Variants in TMEM120B observed in about 807,000 individuals in gnomAD.
TMEM120B encodes transmembrane protein 120B.
TMEM120B carries 31 observed loss-of-function variants against 55.5 expected under a neutral mutation model. The ratio of observed to expected loss-of-function variants is 0.56; its 90% CI spans 0.42 to 0.75. The LOEUF (loss-of-function observed/expected upper bound fraction) is 0.75. Ranked by LOEUF, TMEM120B falls within the 30% of genes least tolerant of loss-of-function variation. TMEM120B has a pLI of 0.00. For synonymous variants in TMEM120B, 203 were observed against 176.3 expected (o/e 1.15, Z -1.20); for missense variants, 399 against 425.5 (o/e 0.94, Z 0.55).
chr12:121,738,206 C>G (rs779967581), intron 1 of TMEM120B, among the ~76,000 whole-genome samples: 1 of 151,972 alleles, frequency 6.6e-6, no homozygotes, highest in African/African-American at 2.4e-5. Flanking sequence ...TTGCAGTGAG[C>G]CGAGATTGCG....
Position 121,775,106 on chromosome 12 carries a change from C to T in TMEM120B, c.882C>T (p.Ser294=). 1 of 1,611,040 alleles carries T rather than the reference C, an allele frequency of 6.2e-7. No individual in the cohort carries two copies. Among genetic ancestry groups the T allele is most frequent in the Non-Finnish European group, 8.5e-7 (1 of 1,179,502 alleles). Residue 294 remains serine (S), a synonymous_variant, in exon 11 of 12, where the codon AGC becomes AGT. Transcript: ENST00000449592. This position sits in a 1 kb window ranked among gnomAD's most constrained non-coding sequence, Gnocchi z 4.3. ...YNAVTLFELS[S]HEECREWQVF... ...CCGTCACGCTGTTTGAGCTCTCCAGCCACGAGGAATGCAGAGAATGGCAGG... is the reference window on the plus strand; with the variant it reads ...CCGTCACGCTGTTTGAGCTCTCCAGTCACGAGGAATGCAGAGAATGGCAGG...
At chr12:121,749,884 T>G in intron 3 of TMEM120B, among the ~76,000 whole-genome samples, 1 of 146,148 alleles carries the variant, frequency 6.8e-6, no homozygotes. Flanking sequence ...CCAGTCTGGG[T>G]GACAGACCGA....
intron 9 of TMEM120B, among the ~76,000 whole-genome samples, chr12:121,773,881 C>T (rs1874146489): frequency 6.6e-6 from 1 of 151,756 alleles, no homozygotes. Context: ...ATAGGAGTGC[C>T]AGCCAGAAAA....
chr12:121,749,777 G>A lies in TMEM120B; in HGVS notation c.306-603G>A, dbSNP rs943555177. Among the ~76,000 whole-genome samples, 4 of 151,842 alleles carry A rather than the reference G, an allele frequency of 2.6e-5. No individual in the cohort carries two copies. The South Asian group carries it at 6.2e-4, about 24-fold the overall frequency. ...CAAAAATTAGCTGGCCTGGTGGCAC[G>A]TGCCTGTAATCCCAGCTACTTGGGA... On this transcript the variant is annotated intron_variant, in intron 3 of 11. Coordinates refer to ENST00000449592, the MANE Select transcript of TMEM120B (RefSeq NM_001080825.2).
At position 121,775,746 on chromosome 12, in the gene TMEM120B, C is replaced by T. The variant is rs1279201417; in HGVS notation, c.*24C>T. ...GAGCCTCGGGCTCCTGTGCCCTCGG[C>T]CCGGACTTCAGACTGCAGGGGGCTC... is the stretch of plus-strand genomic sequence containing the variant. On this transcript the variant is annotated 3_prime_UTR_variant, in exon 12 of 12. Transcript: ENST00000449592. This position sits in a 1 kb window ranked among gnomAD's most constrained non-coding sequence, Gnocchi z 4.3. 2 of 1,612,434 alleles carry T rather than the reference C, an allele frequency of 1.2e-6. No individual in the cohort carries two copies. Among genetic ancestry groups the T allele is most frequent in the Non-Finnish European group, 1.7e-6 (2 of 1,179,466 alleles).
chr12:121,779,529 T>G lies in TMEM120B; in HGVS notation c.*3807T>G. The G allele has an allele frequency of 6.2e-7, 1 of 1,613,460 alleles. No homozygotes were observed. The highest frequency in any genetic ancestry group is 8.5e-7 in the Non-Finnish European group (1 of 1,180,030). On this transcript the variant is annotated 3_prime_UTR_variant, in exon 12 of 12. Transcript: ENST00000449592. ...CAGCAGGCAGAGCCGGCGCTTCTTCTGCCGTTGCGCCTTCTTCAGAGCGCT... is the reference window on the plus strand; with the variant it reads ...CAGCAGGCAGAGCCGGCGCTTCTTCGGCCGTTGCGCCTTCTTCAGAGCGCT...
At chr12:121,745,566 A>G (rs2137143212) in intron 2 of TMEM120B, among the ~76,000 whole-genome samples, 1 of 151,370 alleles carries the variant, frequency 6.6e-6, no homozygotes, top group Non-Finnish European at 1.5e-5. Flanking sequence ...TAATTTTTGT[A>G]CTTTTACTAG....
At chr12:121,713,133 G>C (rs1894631157) in intron 1 of TMEM120B, among the ~76,000 whole-genome samples, 169 bp downstream of exon 1, 1 of 152,026 alleles carries the variant, frequency 6.6e-6, no homozygotes. Context: ...ATCACCCGGC[G>C]CTTCAGCTCT....
intron 1 of TMEM120B, among the ~76,000 whole-genome samples, chr12:121,742,017 T>G (rs1261170356): frequency 4.0e-5 from 6 of 151,154 alleles, no homozygotes; most frequent in Admixed American, 4.0e-4. Flanking sequence ...CTTTTTTTTT[T>G]TTTGAGATGG....
At chr12:121,715,333 AAAAAC>A (rs1230149843) in intron 1 of TMEM120B, among the ~76,000 whole-genome samples, 25 of 152,318 alleles carry the variant, frequency 1.6e-4, no homozygotes, top group Middle Eastern at 3.4e-3. Flanking sequence ...ACTCCGTCTC[AAAAAC>A]AAAACAAAAC....
At position 121,712,791 on chromosome 12, in the gene TMEM120B, G is replaced by A. The variant is rs1028536549; in HGVS notation, c.-105G>A. ...CTCTGGCTGCGCAGGAACAGCTGGT[G>A]CCTCCGAGGGCGGTCGGCGAGCGCG... is the stretch of plus-strand genomic sequence containing the variant. On this transcript the variant is annotated 5_prime_UTR_variant, in exon 1 of 12. Transcript: ENST00000449592. 9.4e-6 allele frequency: 7 copies of A among 747,228 alleles called. No individual in the cohort carries two copies. The South Asian group carries it at 1.8e-4, about 19-fold the overall frequency. 46.3% of individuals were successfully genotyped at this position (747,228 alleles called of 1,614,324 possible).
rs1451748145 is a variant in TMEM120B, at chr12:121,756,605, A to T, written c.461+4382A>T. 2.6e-5 allele frequency among the ~76,000 whole-genome samples: 4 copies of T among 152,218 alleles called. No homozygotes were observed. In the East Asian group the frequency reaches 7.7e-4, roughly 29 times the overall value. ...GGTGCAGTCTATCTTCATAAAAGGGAGGGAACCCCCCCGAATCTCCTCCAT... is the reference window on the plus strand; with the variant it reads ...GGTGCAGTCTATCTTCATAAAAGGGTGGGAACCCCCCCGAATCTCCTCCAT... On this transcript the variant is annotated intron_variant, in intron 5 of 11. Transcript: ENST00000449592.
chr12:121,742,273 G>A (rs1872954825), intron 1 of TMEM120B, among the ~76,000 whole-genome samples: 1 of 151,986 alleles, frequency 6.6e-6, no homozygotes, highest in Non-Finnish European at 1.5e-5. Flanking sequence ...AAAGTGCTGG[G>A]ATTACAGACG....
At chr12:121,764,647 C>G (rs1361904257) in intron 6 of TMEM120B, among the ~76,000 whole-genome samples, 1 of 151,828 alleles carries the variant, frequency 6.6e-6, no homozygotes, top group African/African-American at 2.4e-5. Context: ...AAGTGAGACC[C>G]TGACTCAAAA....
At position 121,780,964 on chromosome 12, in the gene TMEM120B, C is replaced by G; in HGVS notation, c.*5242C>G. The G allele has an allele frequency of 6.2e-7, 1 of 1,614,090 alleles. No individual in the cohort carries two copies. Among genetic ancestry groups the G allele is most frequent in the Non-Finnish European group, 8.5e-7 (1 of 1,179,982 alleles). The stretch of plus-strand genomic sequence containing the variant: ...AGGTCTGTCTTGCAGCCGATGAGCA[C>G]CATGGGGATCCCGCGGCAGAAATGC... On this transcript the variant is annotated 3_prime_UTR_variant, in exon 12 of 12. Coordinates refer to ENST00000449592, the MANE Select transcript of TMEM120B (RefSeq NM_001080825.2).
chr12:121,743,709 G>A lies in TMEM120B; in HGVS notation c.150G>A (p.Gln50=), dbSNP rs761317523. The change falls in exon 2 of 12, where the codon CAG becomes CAA. Residue 50 remains glutamine, a synonymous_variant. Coordinates refer to ENST00000449592, the MANE Select transcript of TMEM120B (RefSeq NM_001080825.2). ...TGTGTAGCAGTTCCATCAGTAAGCAGAAGAAGCACCTCAAGGACTTGAAGC... is the reference window on the plus strand; with the variant it reads ...TGTGTAGCAGTTCCATCAGTAAGCAAAAGAAGCACCTCAAGGACTTGAAGC... The part of the protein sequence containing the change: ...QTLCSSSISK[Q]KKHLKDLKLT... 1.2e-5 allele frequency: 19 copies of A among 1,613,484 alleles called. No homozygotes were observed. Among genetic ancestry groups the A allele is most frequent in the Admixed American group, 3.3e-5 (2 of 59,944 alleles).
intron 1 of TMEM120B, among the ~76,000 whole-genome samples, chr12:121,730,915 G>A (rs1028194713): frequency 6.6e-5 from 10 of 150,938 alleles, no homozygotes; most frequent in South Asian, 4.2e-4. Context: ...CCGAGATTGC[G>A]CCACTGCACT....
chr12:121,761,557 C>A, intron 5 of TMEM120B, 92 bp from the exon 6 acceptor site: 2 of 945,452 alleles, frequency 2.1e-6, no homozygotes, highest in Non-Finnish European at 3.4e-6. Flanking sequence ...GGGCAGCCCT[C>A]AGCCTGGTTT....
In TMEM120B at chr12:121,774,640, C is replaced by G. The variant is rs757829249; in HGVS notation, c.773-18C>G. On this transcript the variant is annotated intron_variant, in intron 9 of 11. Transcript: ENST00000449592. ...CGGACCCCCTCAGCGGGTCCTTTTT[C>G]TTCCCTCCTCTCCACAGAAGGGTTC... 1.6e-5 allele frequency: 26 copies of G among 1,612,584 alleles called. No individual in the cohort carries two copies. The highest frequency in any genetic ancestry group is 2.0e-5 in the Non-Finnish European group (23 of 1,179,288).
Sources: gnomAD v4.1 joint callset for allele counts (sites outside exome capture counted in the v4.1 genomes callset) on GRCh38, gnomAD v4.1.1 for gene constraint, Gnocchi (gnomAD v3.1) non-coding constraint, MANE v1.5 for transcripts, NCBI Gene and HGNC (gene_info 2026-07-23, HGNC 2026-07-21) for gene names.